The following S100A13 variants were observed in gnomAD, a reference collection of about 807,000 sequenced individuals.
S100A13 encodes S100 calcium binding protein A13.
A neutral mutation model predicts 8.2 loss-of-function variants in S100A13; 6 were observed. That is an observed-to-expected ratio of 0.73 (90% CI 0.40 to 1.44). The LOEUF (loss-of-function observed/expected upper bound fraction) is 1.44. Among genes scored for constraint, S100A13 ranks in the 40% most tolerant of loss-of-function variants. The probability of loss-of-function intolerance (pLI) is 0.02; values close to 1 mark genes in which losing one functional copy is unlikely to be tolerated. For missense variants in S100A13, 114 were observed against 113.6 expected (o/e 1.00, Z -0.02); for synonymous variants, 39 against 45.9 (o/e 0.85, Z 0.61).
upstream of S100A13, chr1:153,630,085 G>A (rs1336271578): frequency 9.4e-6 from 2 of 212,244 alleles, no homozygotes; most frequent in Non-Finnish European, 1.9e-5. Flanking sequence ...ACCCTCAACA[G>A]CAGAGCTTGG....
rs1389953420 is a variant in S100A13, at chr1:153,626,449, C to T, written c.24G>A (p.Glu8=). The change falls in exon 2 of 3, where the codon GAG becomes GAA. Residue 8 remains glutamate, a synonymous_variant. Coordinates refer to ENST00000476133, the MANE Select transcript of S100A13 (RefSeq NM_001024211.2). MAAEPLT[E]LEESIETVVT... The stretch of plus-strand genomic sequence containing the variant: ...CCACGGTCTCAATGGACTCCTCTAG[C>T]TCTGTCAGTGGTTCTGCTGCCATTA... The T allele has an allele frequency of 7.4e-6, 12 of 1,614,224 alleles. No individual in the cohort carries two copies. Among genetic ancestry groups the T allele is most frequent in the South Asian group, 1.1e-5 (1 of 91,090 alleles).
intron 2 of S100A13, among the ~76,000 whole-genome samples, chr1:153,625,602 T>C (rs1436326656): frequency 6.6e-6 from 1 of 152,242 alleles, no homozygotes; most frequent in Admixed American, 6.5e-5. Context: ...TTTCCACTGC[T>C]AGGCCTCAGT....
Position 153,627,498 on chromosome 1 carries a change from G to C in S100A13, c.-77C>G, listed in dbSNP as rs557830446. 8.5e-4 allele frequency: 130 copies of C among 152,762 alleles called. 1 individual carries two copies. The South Asian group carries it at 0.024, about 28-fold the overall frequency. 9.5% of individuals were successfully genotyped at this position (152,762 alleles called of 1,614,324 possible). A position where few individuals can be genotyped will look rare whatever the true frequency, so the allele number is the denominator to read the frequency against. On this transcript the variant is annotated 5_prime_UTR_variant, in exon 1 of 3. Coordinates refer to ENST00000476133, the MANE Select transcript of S100A13 (RefSeq NM_001024211.2). ...TGAGACTCACCCGGCAAGGAGATGG[G>C]GTAGAGTGAGCTGGAGCCTCAGGGC...
chr1:153,630,413 G>A (rs1667936052), upstream of S100A13: 1 of 1,439,054 alleles, frequency 6.9e-7, no homozygotes, highest in South Asian at 1.4e-5. Flanking sequence ...AGCTATTTGA[G>A]CTGTCAGCCA....
upstream of S100A13, chr1:153,629,483 G>A (rs968060696): frequency 6.6e-6 from 1 of 152,274 alleles, no homozygotes; most frequent in African/African-American, 2.4e-5. Flanking sequence ...TGCCCCCTCT[G>A]GGGTTGTGGA....
chr1:153,624,453 A>AAG, intron 2 of S100A13, among the ~76,000 whole-genome samples: 1 of 151,922 alleles, frequency 6.6e-6, no homozygotes, highest in Admixed American at 6.6e-5. Context: ...GGCGCTGGGA[A>AAG]GTCTTAGAAA....
At chr1:153,633,230 C>T (rs1345856151), upstream of S100A13, 3 of 152,002 alleles carry the variant, frequency 2.0e-5, no homozygotes, top group Non-Finnish European at 2.9e-5. Context: ...TGCCCATAAT[C>T]CTAGGAGTCG....
chr1:153,621,916 A>T (rs1163548602), intron 2 of S100A13, among the ~76,000 whole-genome samples: 1 of 152,176 alleles, frequency 6.6e-6, no homozygotes, highest in Non-Finnish European at 1.5e-5. Flanking sequence ...GAATTATATA[A>T]GCGTAAATCA....
rs192271881 is a variant in S100A13 at position 153,624,523 on chromosome 1, A to G, written c.153+1797T>C. Among the ~76,000 whole-genome samples, 22 of 151,550 alleles carry G rather than the reference A, an allele frequency of 1.5e-4. No homozygotes were observed. In the East Asian group the frequency reaches 4.3e-3, roughly 29 times the overall value. On this transcript the variant is annotated intron_variant, in intron 2 of 2. Coordinates refer to ENST00000476133, the MANE Select transcript of S100A13 (RefSeq NM_001024211.2). The stretch of plus-strand genomic sequence containing the variant: ...CAGAGAGGTCACTTCCTCCATTTCC[A>G]GGCCCAGAGGAAGTTGAATTTAGGA...
Position 153,618,889 on chromosome 1 carries a change from G to A in S100A13, c.*6C>T, listed in dbSNP as rs758520584. The A allele has an allele frequency of 1.1e-5, 18 of 1,613,836 alleles. No individual in the cohort carries two copies. In the East Asian group the frequency reaches 3.8e-4, roughly 34 times the overall value. ...GCCCTGCCCACCCCATCTCAGCCAG[G>A]CGGCTTTACTTCTTCCTGATCTTCA... is the stretch of plus-strand genomic sequence containing the variant. On this transcript the variant is annotated 3_prime_UTR_variant, in exon 3 of 3. Coordinates refer to ENST00000476133, the MANE Select transcript of S100A13 (RefSeq NM_001024211.2).
chr1:153,620,762 G>C (rs984073953), intron 2 of S100A13, among the ~76,000 whole-genome samples: 3 of 152,084 alleles, frequency 2.0e-5, no homozygotes, highest in African/African-American at 7.2e-5. Context: ...AGTACTATCT[G>C]ATTTTATATA....
chr1:153,630,868 T>C (rs1667973207), upstream of S100A13: 5 of 597,210 alleles, frequency 8.4e-6, 1 homozygote, highest in South Asian at 1.1e-4. Context: ...ACCTGTTAAG[T>C]GTTAGGCCCT....
intron 2 of S100A13, among the ~76,000 whole-genome samples, chr1:153,626,025 C>T (rs1175903555): frequency 6.6e-6 from 1 of 152,080 alleles, no homozygotes; most frequent in African/African-American, 2.4e-5. Flanking sequence ...GAAATAGGCT[C>T]GGCGTGGTGG....
chr1:153,623,526 C>T (rs1395518008), intron 2 of S100A13, among the ~76,000 whole-genome samples: 1 of 152,110 alleles, frequency 6.6e-6, no homozygotes, highest in Non-Finnish European at 1.5e-5. Context: ...GCTGGGATTA[C>T]AGGCGCACAC....
chr1:153,631,376 AAAT>A, upstream of S100A13: 1 of 1,298,252 alleles, frequency 7.7e-7, no homozygotes, highest in Non-Finnish European at 1.1e-6. Context: ...TCTAGAATGG[AAAT>A]AATGAAACAT....
In S100A13 at chr1:153,619,040, T is replaced by C; in HGVS notation, c.154-2A>G. ...CTTCTCATCAAGAGAGCCCACATCC[T>C]GAGGAGACACCAAAGGGAAGGGTAG... On this transcript the variant is annotated splice_acceptor_variant, in intron 2 of 2. Transcript: ENST00000476133. LOFTEE classifies it high-confidence loss of function. 4 of 1,613,064 alleles carry C rather than the reference T, an allele frequency of 2.5e-6. No individual in the cohort carries two copies. The highest frequency in any genetic ancestry group is 3.4e-6 in the Non-Finnish European group (4 of 1,179,486).
At chr1:153,630,188 A>G (rs976636476), upstream of S100A13, 2 of 439,666 alleles carry the variant, frequency 4.5e-6, no homozygotes. Flanking sequence ...ACCCTCCTCA[A>G]TCCCTGCCTG....
In S100A13 at chr1:153,626,401, T is replaced by A. The variant is rs1667630265; in HGVS notation, c.72A>T (p.Ala24=). ...ETVVTTFFTF[A]RQEGRKDSLS... The stretch of plus-strand genomic sequence containing the variant: ...GGCTATCCTTCCGGCCCTCCTGCCT[T>A]GCAAAGGTGAAGAAGGTGGTGACCA... Residue 24 remains alanine (A), a synonymous_variant, in exon 2 of 3, where the codon GCA becomes GCT. Coordinates refer to ENST00000476133, the MANE Select transcript of S100A13 (RefSeq NM_001024211.2). The A allele has an allele frequency of 1.9e-6, 3 of 1,614,172 alleles. No individual in the cohort carries two copies. Among genetic ancestry groups the A allele is most frequent in the Admixed American group, 1.7e-5 (1 of 60,016 alleles).
upstream of S100A13, chr1:153,631,221 C>T (rs1667993308): frequency 2.0e-6 from 1 of 506,436 alleles, no homozygotes; most frequent in African/African-American, 1.9e-5. Context: ...ACCAGGGCCC[C>T]AAAGTAAAGA....
Sources: allele counts gnomAD v4.1 joint callset (sites outside exome capture counted in the v4.1 genomes callset), GRCh38; gene constraint gnomAD v4.1.1; transcripts MANE v1.5; gene names NCBI Gene and HGNC (gene_info 2026-07-23, HGNC 2026-07-21).